Variants in TRIM2 observed in about 807,000 individuals in gnomAD.
TRIM2 encodes tripartite motif-containing protein 2.
TRIM2 carries 20 observed loss-of-function variants against 75.2 expected under a neutral mutation model. The observed-to-expected ratio is 0.27, with a 90% CI of 0.19 to 0.39. The LOEUF (loss-of-function observed/expected upper bound fraction) is 0.39, where lower values mean the gene tolerates loss of function less well. Ranked by LOEUF, TRIM2 falls within the 10% of genes least tolerant of loss-of-function variation. The pLI is 1.00. For synonymous variants in TRIM2, 373 were observed against 388.3 expected (o/e 0.96, Z 0.46); for missense variants, 660 against 990.8 (o/e 0.67, Z 4.48).
intron 1 of TRIM2, among the ~76,000 whole-genome samples, chr4:153,232,464 G>C (rs182090698): frequency 6.6e-6 from 1 of 152,176 alleles, no homozygotes; most frequent in African/African-American, 2.4e-5. Context: ...ATGCCACTGC[G>C]CTCCAGCCTG....
At chr4:153,172,644 C>T (rs963035883) in intron 1 of TRIM2, among the ~76,000 whole-genome samples, 4 of 152,146 alleles carry the variant, frequency 2.6e-5, no homozygotes, top group Non-Finnish European at 1.5e-5. Context: ...TGCCCAATGC[C>T]GGAGATACAG....
intron 1 of TRIM2, among the ~76,000 whole-genome samples, chr4:153,179,081 C>T (rs1038329584): frequency 1.2e-4 from 19 of 152,156 alleles, no homozygotes; most frequent in African/African-American, 4.3e-4. Flanking sequence ...GTCCCAGCTA[C>T]TTGGGAGACT....
intron 1 of TRIM2, among the ~76,000 whole-genome samples, chr4:153,166,431 T>C (rs1730313949): frequency 6.6e-6 from 1 of 152,110 alleles, no homozygotes; most frequent in African/African-American, 2.4e-5. Flanking sequence ...GTAATCTAGG[T>C]TTTTCTTTGG....
At chr4:153,239,347 G>A (rs779002394) in intron 1 of TRIM2, among the ~76,000 whole-genome samples, 37 of 120,912 alleles carry the variant, frequency 3.1e-4, no homozygotes, top group Non-Finnish European at 3.3e-4. Flanking sequence ...GCGTGACTCC[G>A]TCTCAAAAAA....
Position 153,190,506 on chromosome 4 carries a change from G to T in TRIM2, c.-49+37236G>T, listed in dbSNP as rs191960594. Among the ~76,000 whole-genome samples, 13 of 146,808 alleles carry T rather than the reference G, an allele frequency of 8.9e-5. No homozygotes were observed. In the South Asian group the frequency reaches 9.0e-4, roughly 10 times the overall value. On this transcript the variant is annotated intron_variant, in intron 1 of 11. Transcript: ENST00000437508. Reference sequence around the variant, plus strand: ...ACATATGAAGAAGTTGAGGCTTAAAGATTTTTTTTTAAAGCAGCCCAAAAT... The same window carrying T: ...ACATATGAAGAAGTTGAGGCTTAAATATTTTTTTTTAAAGCAGCCCAAAAT...
chr4:153,257,076 A>G (rs1031221923), intron 1 of TRIM2, among the ~76,000 whole-genome samples: 3 of 152,224 alleles, frequency 2.0e-5, no homozygotes, highest in Admixed American at 1.3e-4. Flanking sequence ...TTGAGGTACC[A>G]TATGCCCAGT....
chr4:153,316,895 T>TTTTTTTTTTTTG (rs1561004144), intron 8 of TRIM2, among the ~76,000 whole-genome samples: 1 of 141,212 alleles, frequency 7.1e-6, no homozygotes, highest in African/African-American at 2.7e-5. Flanking sequence ...TTTTTTTTTT[T>TTTTTTTTTTTTG]TTTGAGACGG....
At position 153,244,312 on chromosome 4, in the gene TRIM2, C is replaced by CTT. The variant is rs1747910289; in HGVS notation, c.31-26023_31-26022insTT. Among the ~76,000 whole-genome samples, 3 of 56,244 alleles carry CTT rather than the reference C, an allele frequency of 5.3e-5. 1 individual carries two copies. The highest frequency in any genetic ancestry group is 1.2e-4 in the African/African-American group (1 of 8,684). The allele number at this position is 56,244 out of a possible 152,430, so 36.9% of individuals were successfully genotyped here. On this transcript the variant is annotated intron_variant, in intron 1 of 11. Transcript: ENST00000338700. ...TCCTCCTCCTCCTCCTCCTCCTCCT[C>CTT]CTCCTCCTCTTCTTCTTCTTCTTCT...
intron 6 of TRIM2, chr4:153,308,137 C>A: frequency 3.6e-6 from 4 of 1,126,520 alleles, no homozygotes; most frequent in Non-Finnish European, 5.4e-6. Context: ...CACTTGGGAA[C>A]TTCAGTTCCT....
intron 2 of TRIM2, among the ~76,000 whole-genome samples, chr4:153,272,791 G>A (rs1323148919): frequency 6.6e-6 from 1 of 152,186 alleles, no homozygotes; most frequent in Non-Finnish European, 1.5e-5. Flanking sequence ...CTGTTTGAAG[G>A]TGTTGAAGGT....
Position 153,335,798 on chromosome 4 carries a change from T to C in TRIM2, c.*832T>C. The stretch of plus-strand genomic sequence containing the variant: ...AATCAAGAAAGTTAGTCATGTTTTA[T>C]GTACCATGTTTTCACACGTGTCTCT... On this transcript the variant is annotated 3_prime_UTR_variant, in exon 12 of 12. Transcript: ENST00000338700. 1.0e-6 allele frequency: 1 copy of C among 985,916 alleles called. No homozygotes were observed. The highest frequency in any genetic ancestry group is 1.2e-6 in the Non-Finnish European group (1 of 829,946). 61.1% of individuals were successfully genotyped at this position (985,916 alleles called of 1,614,324 possible). A position where few individuals can be genotyped will look rare whatever the true frequency, so the allele number is the denominator to read the frequency against.
At chr4:153,268,213 C>T (rs1389268934) in intron 1 of TRIM2, among the ~76,000 whole-genome samples, 1 of 152,196 alleles carries the variant, frequency 6.6e-6, no homozygotes, top group Admixed American at 6.5e-5. Context: ...GTTTTGTTAT[C>T]GCGAAGAGCA....
chr4:153,271,352 G>A (rs4696447), intron 2 of TRIM2, among the ~76,000 whole-genome samples: 49,766 of 152,000 alleles, frequency 0.33, 12,126 homozygotes, highest in African/African-American at 0.7. Context: ...GATAGAACTG[G>A]AAATCAGTAT....
At chr4:153,318,093 G>T (rs144436426) in intron 8 of TRIM2, among the ~76,000 whole-genome samples, 1 of 152,216 alleles carries the variant, frequency 6.6e-6, no homozygotes, top group African/African-American at 2.4e-5. Flanking sequence ...AAAAAATGAA[G>T]TCTTGTTTGG....
In TRIM2 at chr4:153,227,162, C is replaced by A. The variant is rs189134758; in HGVS notation, c.30+22602C>A. Among the ~76,000 whole-genome samples the A allele has an allele frequency of 7.4e-4, 112 of 152,296 alleles. 1 individual carries two copies. In the South Asian group the frequency reaches 0.013, roughly 17 times the overall value. On this transcript the variant is annotated intron_variant, in intron 1 of 11. Coordinates refer to ENST00000338700, the MANE Select transcript of TRIM2 (RefSeq NM_015271.5). The stretch of plus-strand genomic sequence containing the variant: ...ACACTTTCTGAGAGAATCAAGTTGG[C>A]CCCAACCTAAAATTTGTTTCCTTTG...
chr4:153,256,136 CT>C (rs1752020928), intron 1 of TRIM2, among the ~76,000 whole-genome samples: 1 of 152,164 alleles, frequency 6.6e-6, no homozygotes, highest in African/African-American at 2.4e-5. Context: ...TTCAATGAAG[CT>C]TTAAAAAAAT....
chr4:153,322,991 G>A (rs1331188408), intron 9 of TRIM2, among the ~76,000 whole-genome samples, 175 bp downstream of exon 9: 1 of 152,146 alleles, frequency 6.6e-6, no homozygotes, highest in Non-Finnish European at 1.5e-5. Flanking sequence ...CTTAGTCACC[G>A]CCACCCACCC....
At chr4:153,314,419 CAAAAAAAAAA>C (rs58410286) in intron 6 of TRIM2, among the ~76,000 whole-genome samples, 2,727 of 59,134 alleles carry the variant, frequency 0.046, 215 homozygotes, top group African/African-American at 0.17. Context: ...GACTCCGTCT[CAAAAAAAAAA>C]AAAAAAAAAA....
At chr4:153,322,956 C>T (rs1561014580) in intron 9 of TRIM2, 140 bp downstream of exon 9, 3 of 1,211,866 alleles carry the variant, frequency 2.5e-6, no homozygotes, top group Non-Finnish European at 3.4e-6. Context: ...AAAATCTAAG[C>T]AAAAGCATGT....
Sources: gnomAD v4.1 joint callset for allele counts (sites outside exome capture counted in the v4.1 genomes callset) on GRCh38, gnomAD v4.1.1 for gene constraint, MANE v1.5 for transcripts, NCBI Gene and HGNC (gene_info 2026-07-23, HGNC 2026-07-21) for gene names.